The following ANO2 variants were observed in gnomAD, a reference collection of about 807,000 sequenced individuals.
ANO2 encodes anoctamin 2, also known as anoctamin-2.
A neutral mutation model predicts 124.2 loss-of-function variants in ANO2; 101 were observed. The observed-to-expected ratio is 0.81, with a 90% CI of 0.69 to 0.96. The LOEUF is 0.96. Ranked by LOEUF, ANO2 falls within the 40% of genes least tolerant of loss-of-function variation. The pLI is 0.00. For synonymous variants in ANO2, 486 were observed against 482.5 expected (o/e 1.01, Z -0.09); for missense variants, 1,293 against 1,274.5 (o/e 1.01, Z -0.22).
intron 24 of ANO2, among the ~76,000 whole-genome samples, chr12:5,563,857 C>G (rs1246787448): frequency 6.6e-6 from 1 of 152,242 alleles, no homozygotes; most frequent in East Asian, 1.9e-4. Context: ...TGCTTCTCCC[C>G]TTCCCCAGGA....
chr12:5,755,513 G>A (rs1270034790), intron 10 of ANO2, among the ~76,000 whole-genome samples: 10 of 151,920 alleles, frequency 6.6e-5, no homozygotes, highest in East Asian at 1.9e-4. Context: ...CCATTAACTC[G>A]TCATTTACAT....
rs1940080015 is a variant in ANO2 at position 5,900,084 on chromosome 12, C to A, written c.534+20956G>T. On this transcript the variant is annotated intron_variant, in intron 3 of 24. Transcript: ENST00000682330. The surrounding 1 kb of genome is among the most constrained non-coding windows in gnomAD (Gnocchi z 4.2). ...GAGAATTGGGAAGGGGGACAGGATG[C>A]ATGAGTTCCGTTTTTCAGCAGTTCC... 6.6e-6 allele frequency among the ~76,000 whole-genome samples: 1 copy of A among 152,166 alleles called. No individual in the cohort carries two copies.
chr12:5,690,078 G>T (rs1226600493), intron 14 of ANO2, among the ~76,000 whole-genome samples: 1 of 152,098 alleles, frequency 6.6e-6, no homozygotes, highest in Admixed American at 6.5e-5. Flanking sequence ...CAATTCTCCA[G>T]TGATTCAAGC....
intron 23 of ANO2, among the ~76,000 whole-genome samples, chr12:5,568,104 T>G (rs539943023): frequency 3.4e-4 from 52 of 152,134 alleles, no homozygotes; most frequent in African/African-American, 1.2e-3. Context: ...TATTTTCCTA[T>G]TCTACTCTAT....
intron 7 of ANO2, among the ~76,000 whole-genome samples, chr12:5,823,501 T>C (rs1953869371): frequency 1.3e-5 from 2 of 152,240 alleles, no homozygotes; most frequent in African/African-American, 4.8e-5. Context: ...ATGATCTCCT[T>C]TGACTCTGGG....
intron 14 of ANO2, among the ~76,000 whole-genome samples, chr12:5,707,018 A>ATT (rs1949635553): frequency 6.6e-6 from 1 of 152,192 alleles, no homozygotes; most frequent in African/African-American, 2.4e-5. Context: ...TGTATTTAAC[A>ATT]ATATATGATA....
chr12:5,612,728 A>G lies in ANO2; in HGVS notation c.2015T>C (p.Leu672Pro), dbSNP rs1336378140. The change falls in exon 19 of 25, where the codon CTC becomes CCC. Residue 672 changes from leucine to proline, a missense_variant. Coordinates refer to ENST00000682330, the MANE Select transcript of ANO2 (RefSeq NM_001364791.2). ...CATGATGATGCTGAGCTGAATGCAG[A>G]GCTCCATGAGACAGCCCCCTGGAGC... is the stretch of plus-strand genomic sequence containing the variant. ...ECAPGGCLME[L>P]CIQLSIIMLG... The G allele has an allele frequency of 6.2e-7, 1 of 1,613,826 alleles. No individual in the cohort carries two copies. Among genetic ancestry groups the G allele is most frequent in the Non-Finnish European group, 8.5e-7 (1 of 1,179,882 alleles).
At position 5,707,062 on chromosome 12, in the gene ANO2, T is replaced by C. The variant is rs1949637986; in HGVS notation, c.1545+25458A>G. Among the ~76,000 whole-genome samples the C allele has an allele frequency of 2.0e-5, 3 of 152,206 alleles. No homozygotes were observed. In the South Asian group the frequency reaches 6.2e-4, roughly 31 times the overall value. On this transcript the variant is annotated intron_variant, in intron 14 of 24. Coordinates refer to ENST00000682330, the MANE Select transcript of ANO2 (RefSeq NM_001364791.2). Reference sequence around the variant, plus strand: ...CTCTGTGTCCCCACCCAAATCTCATTCGAATTGTAATCCCCACATGTCGAG... The same window carrying C: ...CTCTGTGTCCCCACCCAAATCTCATCCGAATTGTAATCCCCACATGTCGAG...
intron 3 of ANO2, among the ~76,000 whole-genome samples, chr12:5,899,572 C>A (rs1361734305): frequency 6.6e-6 from 1 of 152,242 alleles, no homozygotes; most frequent in Admixed American, 6.5e-5. Flanking sequence ...ATACATTTGG[C>A]ATGGACTCAG....
chr12:5,790,073 G>C (rs1237069217), intron 10 of ANO2, among the ~76,000 whole-genome samples: 1 of 152,210 alleles, frequency 6.6e-6, no homozygotes, highest in Non-Finnish European at 1.5e-5. Flanking sequence ...GGCAAGATCA[G>C]TCCCTCAGGT....
intron 14 of ANO2, among the ~76,000 whole-genome samples, chr12:5,664,377 A>G (rs2136977429): frequency 6.6e-6 from 1 of 152,098 alleles, no homozygotes; most frequent in Non-Finnish European, 1.5e-5. Context: ...CCATCCATCC[A>G]TCCATTCATA....
intron 14 of ANO2, among the ~76,000 whole-genome samples, chr12:5,684,681 C>T (rs961940579): frequency 5.3e-5 from 8 of 152,210 alleles, no homozygotes; most frequent in African/African-American, 1.7e-4. Flanking sequence ...ATATGGGACA[C>T]GGCATGCCAC....
At chr12:5,629,810 G>C (rs929742530) in intron 16 of ANO2, among the ~76,000 whole-genome samples, 5 of 152,160 alleles carry the variant, frequency 3.3e-5, no homozygotes, top group Non-Finnish European at 7.4e-5. Context: ...CTAGGACACA[G>C]CTCCAAATGC....
chr12:5,581,415 G>A (rs939996331), intron 20 of ANO2, among the ~76,000 whole-genome samples: 2 of 152,122 alleles, frequency 1.3e-5, no homozygotes, highest in South Asian at 2.1e-4. Flanking sequence ...CACCACATTC[G>A]TGCACATGGT....
rs376218931 is a variant in ANO2 at position 5,799,551 on chromosome 12, C to T, written c.1011G>A (p.Ala337=). ...GGAACTTATAGAACACTCCATAGCGCGCCCATTCTTGATATAGCAGCTAAA... is the reference window on the plus strand; with the variant it reads ...GGAACTTATAGAACACTCCATAGCGTGCCCATTCTTGATATAGCAGCTAAA... ...NDRKLLYQEW[A]RYGVFYKFQP... is the part of the protein sequence containing the mutation. The change falls in exon 10 of 25, where the codon GCG becomes GCA. Residue 337 remains alanine (A), a synonymous_variant. Coordinates refer to ENST00000682330, the MANE Select transcript of ANO2 (RefSeq NM_001364791.2). The T allele has an allele frequency of 8.0e-5, 129 of 1,613,814 alleles. No individual in the cohort carries two copies. The highest frequency in any genetic ancestry group is 1.6e-4 in the South Asian group (15 of 91,052).
chr12:5,887,269 T>G (rs1938988614), intron 3 of ANO2, among the ~76,000 whole-genome samples: 1 of 152,224 alleles, frequency 6.6e-6, no homozygotes, highest in East Asian at 1.9e-4. Context: ...CAATGAAATG[T>G]AATGATGGGT....
intron 3 of ANO2, among the ~76,000 whole-genome samples, chr12:5,875,566 C>T (rs1938038211): frequency 6.6e-6 from 1 of 152,240 alleles, no homozygotes; most frequent in African/African-American, 2.4e-5. Flanking sequence ...TGGGAGCTTC[C>T]AGGCTCTTTA....
chr12:5,650,014 C>T (rs185134813), intron 14 of ANO2, among the ~76,000 whole-genome samples: 2 of 152,164 alleles, frequency 1.3e-5, no homozygotes, highest in African/African-American at 4.8e-5. Context: ...GATGGGCTGA[C>T]GAATGATAAC....
intron 16 of ANO2, among the ~76,000 whole-genome samples, chr12:5,620,700 G>A (rs1945076208): frequency 6.6e-6 from 1 of 152,050 alleles, no homozygotes; most frequent in Non-Finnish European, 1.5e-5. Context: ...ATATTCCTCT[G>A]CTGGTGGAAA....
Sources: gnomAD v4.1 joint callset for allele counts (sites outside exome capture counted in the v4.1 genomes callset) on GRCh38, gnomAD v4.1.1 for gene constraint, Gnocchi (gnomAD v3.1) non-coding constraint, MANE v1.5 for transcripts, NCBI Gene and HGNC (gene_info 2026-07-23, HGNC 2026-07-21) for gene names.